The following RARB variants were observed in gnomAD, a reference collection of about 807,000 sequenced individuals.
RARB encodes retinoic acid receptor beta, also known as HBV-activated protein.
Under a neutral mutation model 51.9 loss-of-function variants are expected in RARB, and 17 were observed. The ratio of observed to expected loss-of-function variants is 0.33; its 90% CI spans 0.22 to 0.49. The LOEUF (loss-of-function observed/expected upper bound fraction) is 0.49. Among genes scored for constraint, RARB ranks in the 20% least tolerant of loss-of-function variants. The probability of loss-of-function intolerance (pLI) is 0.99; values close to 1 mark genes in which losing one functional copy is unlikely to be tolerated. For missense variants in RARB, 369 were observed against 550.8 expected (o/e 0.67, Z 3.30); for synonymous variants, 215 against 195.4 (o/e 1.10, Z -0.84).
At chr3:25,026,366 T>A (rs577479158) in intron 2 of RARB, among the ~76,000 whole-genome samples, 2 of 152,312 alleles carry the variant, frequency 1.3e-5, no homozygotes, top group South Asian at 4.1e-4. Flanking sequence ...TTTCTCACAA[T>A]TTTGGGGGCT....
intron 1 of RARB, among the ~76,000 whole-genome samples, chr3:24,843,900 T>TACACACACACACACACAC (rs71057685): frequency 6.9e-6 from 1 of 145,144 alleles, no homozygotes; most frequent in Admixed American, 6.9e-5. Context: ...GATTTGAGGG[T>TACACACACACACACACAC]ACACACACAC....
chr3:25,196,875 G>A (rs1039040299), intron 5 of RARB, among the ~76,000 whole-genome samples: 20 of 152,084 alleles, frequency 1.3e-4, no homozygotes, highest in Non-Finnish European at 4.4e-5. Flanking sequence ...CTTCTTTTGA[G>A]AAGTGTTGGT....
chr3:25,286,354 C>G (rs1703656231), intron 5 of RARB, among the ~76,000 whole-genome samples: 1 of 152,182 alleles, frequency 6.6e-6, no homozygotes. Context: ...TCCCAAAGTG[C>G]TGGGATTACA....
rs1243619858 is a variant in RARB at position 25,040,755 on chromosome 3, AAAT to A, written c.-379-19363_-379-19361del. Among the ~76,000 whole-genome samples the A allele has an allele frequency of 5.9e-5, 9 of 152,294 alleles. 1 individual carries two copies. Among genetic ancestry groups the A allele is most frequent in the South Asian group, 2.1e-4 (1 of 4,820 alleles). On this transcript the variant is annotated intron_variant, in intron 2 of 11. Coordinates refer to the RARB transcript ENST00000383772. ...GTGACAGTGAGACTCTGTCTCAAAAAAATAATAATTCACAACCAAACTTTGTAG... is the reference window on the plus strand; with the variant it reads ...GTGACAGTGAGACTCTGTCTCAAAAAAATAATTCACAACCAAACTTTGTAG...
chr3:25,133,182 A>G (rs4393870), intron 4 of RARB, among the ~76,000 whole-genome samples: 87,256 of 151,790 alleles, frequency 0.57, 25,374 homozygotes, highest in East Asian at 0.7. Context: ...AAATAAATTT[A>G]TTAAGATGTT....
At chr3:25,421,642 G>T (rs892385034) in intron 5 of RARB, among the ~76,000 whole-genome samples, 12 of 152,022 alleles carry the variant, frequency 7.9e-5, no homozygotes, top group African/African-American at 2.9e-4. Flanking sequence ...CTGACCTGGT[G>T]ATCCTCCTGC....
chr3:25,040,213 T>C (rs576635792), intron 2 of RARB, among the ~76,000 whole-genome samples: 1 of 152,346 alleles, frequency 6.6e-6, no homozygotes, highest in Non-Finnish European at 1.5e-5. Context: ...TTAGTTTGTA[T>C]GTTTCTATAG....
intron 5 of RARB, among the ~76,000 whole-genome samples, chr3:25,378,982 CTAAT>C (rs1272233497): frequency 6.6e-6 from 1 of 152,198 alleles, no homozygotes; most frequent in Non-Finnish European, 1.5e-5. Flanking sequence ...GGCATCTTCC[CTAAT>C]TATTTAAGAT....
At chr3:25,363,345 C>T (rs1706011455) in intron 5 of RARB, among the ~76,000 whole-genome samples, 1 of 152,106 alleles carries the variant, frequency 6.6e-6, no homozygotes, top group African/African-American at 2.4e-5. Context: ...TGGAGCTCAA[C>T]TCATACATCC....
intron 5 of RARB, among the ~76,000 whole-genome samples, chr3:25,327,344 A>G (rs1704752194): frequency 6.6e-6 from 1 of 152,188 alleles, no homozygotes; most frequent in Admixed American, 6.5e-5. Context: ...ATCAAGCAGC[A>G]CTACTACAAT....
intron 5 of RARB, among the ~76,000 whole-genome samples, chr3:25,409,489 G>C (rs1454624039): frequency 6.6e-6 from 1 of 152,076 alleles, no homozygotes; most frequent in African/African-American, 2.4e-5. Context: ...TAGTGCCATA[G>C]GGTGTAAGAA....
chr3:25,092,875 TTAGGAGG>T (rs1222445852), intron 3 of RARB, among the ~76,000 whole-genome samples: 1 of 152,130 alleles, frequency 6.6e-6, no homozygotes, highest in Non-Finnish European at 1.5e-5. Flanking sequence ...TCATGTTCAT[TTAGGAGG>T]TAGAGAGAGA....
At chr3:25,334,393 G>A (rs1268014205) in intron 5 of RARB, among the ~76,000 whole-genome samples, 1 of 152,176 alleles carries the variant, frequency 6.6e-6, no homozygotes, top group Admixed American at 6.5e-5. Flanking sequence ...CATGGATGAA[G>A]TAGGAAACCA....
chr3:25,458,444 C>G (rs768818906), intron 1 of RARB: 1 of 152,150 alleles, frequency 6.6e-6, no homozygotes, highest in Non-Finnish European at 1.5e-5. Flanking sequence ...GACAGTGATA[C>G]ATTGTTTTCT....
intron 1 of RARB, among the ~76,000 whole-genome samples, chr3:24,840,389 C>T (rs1238022096): frequency 6.6e-6 from 1 of 152,198 alleles, no homozygotes; most frequent in East Asian, 1.9e-4. Context: ...GCTTCTCTGT[C>T]TATTGCCCCC....
At chr3:25,131,766 A>G (rs898836011) in intron 3 of RARB, among the ~76,000 whole-genome samples, 2 of 151,946 alleles carry the variant, frequency 1.3e-5, no homozygotes, top group African/African-American at 4.8e-5. Context: ...CTAATTTGAG[A>G]ATTTGTGCCA....
At chr3:25,503,698 A>G (rs1697425629) in intron 3 of RARB, among the ~76,000 whole-genome samples, 1 of 152,200 alleles carries the variant, frequency 6.6e-6, no homozygotes, top group African/African-American at 2.4e-5. Context: ...AAACACTTGG[A>G]ATGTAGAGAT....
At chr3:24,995,270 T>G (rs1216578639) in intron 2 of RARB, among the ~76,000 whole-genome samples, 1 of 151,810 alleles carries the variant, frequency 6.6e-6, no homozygotes, top group Admixed American at 6.6e-5. Context: ...TTGCCTTTTT[T>G]ATGTCTTTTT....
At chr3:25,204,253 C>G (rs996215771) in intron 5 of RARB, among the ~76,000 whole-genome samples, 2 of 152,160 alleles carry the variant, frequency 1.3e-5, no homozygotes, top group African/African-American at 4.8e-5. Flanking sequence ...ATGTAGTTCT[C>G]GTGCCACGGT....
Sources: gnomAD v4.1 joint callset for allele counts (sites outside exome capture counted in the v4.1 genomes callset) on GRCh38, gnomAD v4.1.1 for gene constraint, MANE v1.5 for transcripts, NCBI Gene and HGNC (gene_info 2026-07-23, HGNC 2026-07-21) for gene names.